The following ALDH7A1 variants were observed in gnomAD, a reference collection of about 807,000 sequenced individuals.
ALDH7A1 encodes the protein alpha-aminoadipic semialdehyde dehydrogenase.
In ALDH7A1, 63 loss-of-function variants were observed where a neutral mutation model predicts 79.9. The ratio of observed to expected loss-of-function variants is 0.79; its 90% CI spans 0.64 to 0.97. ALDH7A1 has a LOEUF of 0.97. ALDH7A1 is among the 50% of genes least tolerant of loss of function. ALDH7A1 has a pLI of 0.00. For synonymous variants in ALDH7A1, 240 were observed against 231.2 expected, an observed-to-expected ratio of 1.04 and a Z score of -0.34; for missense variants, 627 against 665.2, an observed-to-expected ratio of 0.94 and a Z score of 0.63.
In ALDH7A1 at chr5:126,568,317, G is replaced by C. The variant is rs1750658942; in HGVS notation, c.813C>G (p.Ser271=). ...MAKDERVNLL[S]FTGSTQVGKQ... ...TTCCCACCTGAGTGCTCCCAGTGAA[G>C]GACAGCAGGTTCACTCGTTCATCTT... Residue 271 remains serine (S), a synonymous_variant, in exon 9 of 18, where the codon TCC becomes TCG. Transcript: ENST00000409134. 6.2e-7 allele frequency: 1 copy of C among 1,614,042 alleles called. No individual in the cohort carries two copies.
intron 3 of ALDH7A1, 67 bp from the exon 4 acceptor site, chr5:126,584,079 G>T: frequency 7.9e-7 from 1 of 1,264,264 alleles, no homozygotes; most frequent in Non-Finnish European, 1.2e-6. Context: ...CACAGTATTG[G>T]ATGTGTGCTG....
chr5:126,571,713 A>G (rs948615113), intron 7 of ALDH7A1, among the ~76,000 whole-genome samples: 3 of 152,162 alleles, frequency 2.0e-5, no homozygotes, highest in African/African-American at 7.2e-5. Context: ...TAAGACCTAG[A>G]ACGATGAAGG....
In ALDH7A1 at chr5:126,577,140, G is replaced by A. The variant is rs779652673; in HGVS notation, c.589C>T (p.Pro197Ser). ...LVGIITAFNF[P>S]VAVYGWNNAI... is the part of the protein sequence containing the mutation. ...TTGTTCCAACCATACACTGCCACAGGGAAATTGAATGCCGTGATGATTCCA... is the reference window on the plus strand; with the variant it reads ...TTGTTCCAACCATACACTGCCACAGAGAAATTGAATGCCGTGATGATTCCA... The change falls in exon 6 of 18, where the codon CCT (proline) becomes TCT (serine). Residue 197 changes from proline (P) to serine (S), a missense_variant. Pro to Ser is a moderately conservative substitution (Grantham distance 74, BLOSUM62 -1). Transcript: ENST00000409134. 3.8e-5 allele frequency: 61 copies of A among 1,614,008 alleles called. 1 individual carries two copies. The highest frequency in any genetic ancestry group is 4.9e-5 in the Non-Finnish European group (58 of 1,180,018).
intron 1 of ALDH7A1, among the ~76,000 whole-genome samples, chr5:126,594,679 C>G (rs1751680097): frequency 6.6e-6 from 1 of 152,030 alleles, no homozygotes; most frequent in African/African-American, 2.4e-5. Flanking sequence ...CTCGCTACCT[C>G]AGGTGATCCG....
At chr5:126,568,397 A>T (rs1369220929) in intron 8 of ALDH7A1, 41 bp from the exon 9 acceptor site, 1 of 1,533,870 alleles carries the variant, frequency 6.5e-7, no homozygotes, top group Non-Finnish European at 9.0e-7. Context: ...AAGCAGAGAA[A>T]CCCAGCAATT....
At position 126,568,364 on chromosome 5, in the gene ALDH7A1, G is replaced by A. The variant is rs1191058889; in HGVS notation, c.774-8C>T. On this transcript the variant is annotated splice_polypyrimidine_tract_variant and splice_region_variant and intron_variant, in intron 8 of 17. Coordinates refer to ENST00000409134, the MANE Select transcript of ALDH7A1 (RefSeq NM_001182.5). ...TCTTTGGCCATTGCTGTGCTGCAAG[G>A]GAACAGACACGGTCGGCCACCCAAG... 6.2e-7 allele frequency: 1 copy of A among 1,613,486 alleles called. No individual in the cohort carries two copies. Among genetic ancestry groups the A allele is most frequent in the Non-Finnish European group, 8.5e-7 (1 of 1,179,460 alleles).
intron 8 of ALDH7A1, chr5:126,569,508 A>C (rs1407812278): frequency 1.3e-5 from 2 of 152,226 alleles, no homozygotes; most frequent in East Asian, 3.8e-4. Flanking sequence ...GCATCAGTCT[A>C]ACGTAGGGCT....
At chr5:126,585,024 C>T (rs911122763) in intron 3 of ALDH7A1, among the ~76,000 whole-genome samples, 28 of 152,134 alleles carry the variant, frequency 1.8e-4, no homozygotes, top group African/African-American at 4.8e-4. Flanking sequence ...TAAGGCTGGG[C>T]GCGGTGGCTC....
At chr5:126,557,162 T>G (rs114023681) in intron 11 of ALDH7A1, among the ~76,000 whole-genome samples, 239 of 152,360 alleles carry the variant, frequency 1.6e-3, no homozygotes, top group African/African-American at 5.6e-3. Flanking sequence ...TAACGCAATT[T>G]AATGTTTATG....
intron 16 of ALDH7A1, among the ~76,000 whole-genome samples, chr5:126,547,389 A>G (rs1749825013): frequency 6.6e-6 from 1 of 152,214 alleles, no homozygotes; most frequent in East Asian, 1.9e-4. Context: ...GAGACTCCCT[A>G]TCCAGCTACG....
At chr5:126,567,252 T>C (rs1022454167) in intron 9 of ALDH7A1, among the ~76,000 whole-genome samples, 23 of 152,144 alleles carry the variant, frequency 1.5e-4, no homozygotes, top group Admixed American at 7.2e-4. Flanking sequence ...AGCAGTAGGG[T>C]GGACGCATCA....
chr5:126,579,029 T>C (rs1751080614), intron 5 of ALDH7A1, among the ~76,000 whole-genome samples: 1 of 145,118 alleles, frequency 6.9e-6, no homozygotes, highest in Admixed American at 6.7e-5. Flanking sequence ...TGCCTCCTCC[T>C]CTCCAGCCCT....
At chr5:126,572,443 TAACA>T (rs1561661293) in intron 7 of ALDH7A1, among the ~76,000 whole-genome samples, 1 of 152,184 alleles carries the variant, frequency 6.6e-6, no homozygotes, top group African/African-American at 2.4e-5. Context: ...GGGTAAAGGT[TAACA>T]AACCCCTGCC....
chr5:126,569,584 T>C (rs987074430), intron 8 of ALDH7A1: 3 of 152,230 alleles, frequency 2.0e-5, no homozygotes, highest in East Asian at 1.9e-4. Context: ...TGAGCACTAA[T>C]ACTCAAAGTG....
intron 16 of ALDH7A1, chr5:126,549,724 C>G (rs1182086157): frequency 3.2e-6 from 2 of 621,186 alleles, no homozygotes; most frequent in African/African-American, 3.7e-5. Flanking sequence ...CTGCTCTAAC[C>G]TGATGCTGCC....
chr5:126,559,434 GTTT>G (rs759132307), intron 10 of ALDH7A1, 100 bp from the exon 11 acceptor site: 441 of 442,002 alleles, frequency 1.0e-3, no homozygotes, highest in East Asian at 1.9e-3. Flanking sequence ...TTTGGTTTTG[GTTT>G]TTTTTTTTTT....
chr5:126,575,329 G>C (rs925569787), intron 7 of ALDH7A1, 91 bp downstream of exon 7: 132 of 1,220,896 alleles, frequency 1.1e-4, no homozygotes, highest in Non-Finnish European at 1.5e-4. Context: ...CATGCTATGT[G>C]ACTCTGACAT....
intron 5 of ALDH7A1, chr5:126,582,248 C>T (rs1561666715): frequency 2.5e-6 from 1 of 396,826 alleles, no homozygotes; most frequent in East Asian, 3.6e-5. Flanking sequence ...AACTTTTAAT[C>T]CTTCAACCTT....
chr5:126,593,656 C>A, intron 1 of ALDH7A1: 1 of 597,568 alleles, frequency 1.7e-6, no homozygotes, highest in South Asian at 2.1e-5. Flanking sequence ...TAAACAAAAG[C>A]CTTAACATAA....
Sources: gnomAD v4.1 joint callset for allele counts (sites outside exome capture counted in the v4.1 genomes callset) on GRCh38, gnomAD v4.1.1 for gene constraint, MANE v1.5 for transcripts, NCBI Gene and HGNC (gene_info 2026-07-23, HGNC 2026-07-21) for gene names.